Variants in PI4KA observed in about 807,000 individuals in gnomAD.
PI4KA encodes the protein PI4-kinase alpha.
PI4KA carries 122 observed loss-of-function variants against 271.4 expected under a neutral mutation model. The ratio of observed to expected loss-of-function variants is 0.45; its 90% CI spans 0.39 to 0.52. PI4KA has a LOEUF of 0.52. Ranked by LOEUF, PI4KA falls within the 20% of genes least tolerant of loss-of-function variation. PI4KA has a pLI of 0.00. For missense variants in PI4KA, 1,969 were observed against 2,769.1 expected, an observed-to-expected ratio of 0.71 and a Z score of 6.48; for synonymous variants, 1,041 against 1,078.8, an observed-to-expected ratio of 0.96 and a Z score of 0.69.
chr22:20,813,331 C>A, intron 8 of PI4KA, 27 bp downstream of exon 8: 2 of 1,588,446 alleles, frequency 1.3e-6, no homozygotes, highest in South Asian at 2.2e-5. Context: ...TATCCATGGT[C>A]TGTTCATCCA....
chr22:20,754,764 A>G (rs1454498425), intron 23 of PI4KA, among the ~76,000 whole-genome samples: 1 of 152,158 alleles, frequency 6.6e-6, no homozygotes, highest in Non-Finnish European at 1.5e-5. Context: ...CCTGGCCAAC[A>G]TGGTGAAACC....
intron 19 of PI4KA, among the ~76,000 whole-genome samples, chr22:20,777,043 GTT>G (rs362134): frequency 6.7e-6 from 1 of 148,538 alleles, no homozygotes; most frequent in African/African-American, 2.5e-5. Flanking sequence ...GTTTTTTTTT[GTT>G]TTTTTTTTGT....
chr22:20,852,660 G>A lies in PI4KA; in HGVS notation c.156+5910C>T, dbSNP rs747473089. 6.6e-5 allele frequency among the ~76,000 whole-genome samples: 10 copies of A among 152,066 alleles called. No homozygotes were observed. The South Asian group carries it at 1.2e-3, about 19-fold the overall frequency. ...TGACCCTCATTATCTCTCTCCTCTCGCTCTACGGATGGCTCTTCTTAACAT... is the reference window on the plus strand; with the variant it reads ...TGACCCTCATTATCTCTCTCCTCTCACTCTACGGATGGCTCTTCTTAACAT... On this transcript the variant is annotated intron_variant, in intron 1 of 54. Transcript: ENST00000255882.
chr22:20,779,419 A>G lies in PI4KA; in HGVS notation c.2329-13726T>C, dbSNP rs1174411908. 3 of 1,614,282 alleles carry G rather than the reference A, an allele frequency of 1.9e-6. No homozygotes were observed. In the East Asian group the frequency reaches 6.7e-5, roughly 36 times the overall value. On this transcript the variant is annotated intron_variant, in intron 19 of 54. Transcript: ENST00000255882. ...CTAGAGAAAGGAGGGGAAACTGCTC[A>G]GTCTGCAGATCCCCAGTGGGAGCAG...
chr22:20,729,871 A>T, intron 37 of PI4KA, 21 bp downstream of exon 37: 2 of 1,613,922 alleles, frequency 1.2e-6, no homozygotes. Context: ...TGATGGCCCC[A>T]GCAGCACACC....
At chr22:20,780,813 G>A (rs1044937225) in intron 19 of PI4KA, among the ~76,000 whole-genome samples, 5 of 130,262 alleles carry the variant, frequency 3.8e-5, no homozygotes, top group African/African-American at 1.5e-4. Flanking sequence ...ATGCTCCAAG[G>A]GCACCCAGTT....
intron 19 of PI4KA, chr22:20,784,131 T>A: frequency 1.2e-6 from 2 of 1,614,094 alleles, no homozygotes; most frequent in Non-Finnish European, 1.7e-6. Flanking sequence ...CTGGAATACG[T>A]GGGGGGCATC....
In PI4KA at chr22:20,726,471, T is replaced by TGAGAAGTGATGTTTCTAA; in HGVS notation, c.4995+16_4995+17insTTAGAAACATCACTTCTC. 1 of 1,546,200 alleles carries TGAGAAGTGATGTTTCTAA rather than the reference T, an allele frequency of 6.5e-7. No homozygotes were observed. The highest frequency in any genetic ancestry group is 1.3e-5 in the South Asian group (1 of 79,326). On this transcript the variant is annotated intron_variant, in intron 42 of 54. Transcript: ENST00000255882. ...ACTCTGTGAGTGAAGAGGACGGCCA[T>TGAGAAGTGATGTTTCTAA]GCAGGTGCAGGCTTACCTTGTCGTA... is the stretch of plus-strand genomic sequence containing the variant.
At position 20,761,323 on chromosome 22, in the gene PI4KA, A is replaced by T. The variant is rs761737587; in HGVS notation, c.2772T>A (p.Ala924=). The change falls in exon 23 of 55, where the codon GCT becomes GCA. Residue 924 remains alanine (A), a synonymous_variant. Coordinates refer to ENST00000255882, the MANE Select transcript of PI4KA (RefSeq NM_058004.4). ...GCTTACCAGATTTGTCTTTCTGAATAGCTTTATCCTCAAAGTAGCAGAACA... is the reference window on the plus strand; with the variant it reads ...GCTTACCAGATTTGTCTTTCTGAATTGCTTTATCCTCAAAGTAGCAGAACA... ...QVMFCYFEDK[A]IQKDKSGMMQ... is the part of the protein sequence containing the mutation. 6.2e-7 allele frequency: 1 copy of T among 1,606,594 alleles called. No individual in the cohort carries two copies. Among genetic ancestry groups the T allele is most frequent in the Non-Finnish European group, 8.5e-7 (1 of 1,173,078 alleles).
At chr22:20,729,593 G>T in intron 38 of PI4KA, 39 bp downstream of exon 38, 1 of 1,554,192 alleles carries the variant, frequency 6.4e-7, no homozygotes. Context: ...GTACAGGCAG[G>T]TGGCGGGCAG....
At chr22:20,770,633 AG>A in intron 19 of PI4KA, among the ~76,000 whole-genome samples, 2 of 123,016 alleles carry the variant, frequency 1.6e-5, no homozygotes, top group Admixed American at 8.1e-5. Context: ...CACACACACA[AG>A]CTGGACACAG....
intron 29 of PI4KA, 94 bp from the exon 30 acceptor site, chr22:20,744,814 C>T: frequency 3.1e-6 from 3 of 979,530 alleles, no homozygotes; most frequent in South Asian, 2.9e-5. Flanking sequence ...AGCAGTCACA[C>T]TCGGGTCTGG....
At position 20,805,062 on chromosome 22, in the gene PI4KA, G is replaced by A; in HGVS notation, c.1272C>T (p.Ile424=). The A allele has an allele frequency of 6.2e-7, 1 of 1,614,110 alleles. No individual in the cohort carries two copies. Among genetic ancestry groups the A allele is most frequent in the Non-Finnish European group, 8.5e-7 (1 of 1,179,952 alleles). The change falls in exon 11 of 55, where the codon ATC becomes ATT. Residue 424 remains isoleucine (I), a synonymous_variant. Transcript: ENST00000255882. ...LQKILHDADR[I]HNELSPLKLR... is the part of the protein sequence containing the mutation. ...GTTTGAGGGGGCTCAGCTCATTGTG[G>A]ATCCGGTCTGCGTCATGTAGAATCT...
chr22:20,800,039 C>A (rs1935208291), intron 14 of PI4KA, among the ~76,000 whole-genome samples: 1 of 152,178 alleles, frequency 6.6e-6, no homozygotes, highest in Non-Finnish European at 1.5e-5. Flanking sequence ...CAATTTCAAT[C>A]CCTTGTACTG....
rs1420469799 is a variant in PI4KA, at chr22:20,804,326, A to C, written c.1435T>G (p.Leu479Val). The C allele has an allele frequency of 6.2e-7, 1 of 1,613,888 alleles. No homozygotes were observed. The highest frequency in any genetic ancestry group is 1.1e-5 in the South Asian group (1 of 91,084). ...TGCAGACAGCAGATCAGCAGGGGCA[A>C]GTGAGCAATAATGACTTTGCTGGAC... is the stretch of plus-strand genomic sequence containing the variant. ...KTSSKVIIAHLPLLICCLQGL... is the reference protein window; with the variant it reads ...KTSSKVIIAHVPLLICCLQGL... Residue 479 changes from leucine (L) to valine (V), a missense_variant, in exon 12 of 55, where the codon TTG becomes GTG. Leu to Val is a conservative substitution (Grantham distance 32). This residue lies in a region of PI4KA where 228 missense variants were observed against 261.6 expected (regional missense o/e 0.87). Transcript: ENST00000255882.
At chr22:20,710,381 C>T in intron 52 of PI4KA, 1 of 536,976 alleles carries the variant, frequency 1.9e-6, no homozygotes, top group Non-Finnish European at 3.4e-6. Context: ...GGGACAAAGC[C>T]CATCTTTGGC....
intron 15 of PI4KA, among the ~76,000 whole-genome samples, 153 bp downstream of exon 15, chr22:20,799,518 C>A (rs1935173309): frequency 1.3e-5 from 2 of 152,170 alleles, no homozygotes; most frequent in Admixed American, 1.3e-4. Flanking sequence ...CCAAGGTGGG[C>A]TTCACCTTAA....
Position 20,710,721 on chromosome 22 carries a change from C to G in PI4KA, c.6061G>C (p.Val2021Leu). Residue 2021 changes from valine (V) to leucine (L), a missense_variant, in exon 52 of 55, where the codon GTC becomes CTC. Physicochemically the swap from Val to Leu is conservative, Grantham distance 32 (BLOSUM62 1). This residue lies in a region of PI4KA where 110 missense variants were observed against 349.8 expected (regional missense o/e 0.31). Coordinates refer to ENST00000255882, the MANE Select transcript of PI4KA (RefSeq NM_058004.4). ...TPFKWFMEMC[V>L]RGYLAVRPYM... ...CACCGCACAGCCAGGTAGCCTCGGA[C>G]ACACATCTCCATGAACCACTTGAAG... The G allele has an allele frequency of 6.2e-7, 1 of 1,614,052 alleles. No individual in the cohort carries two copies. The highest frequency in any genetic ancestry group is 8.5e-7 in the Non-Finnish European group (1 of 1,179,888).
chr22:20,743,517 G>A (rs112657540), intron 30 of PI4KA, among the ~76,000 whole-genome samples: 10,454 of 152,050 alleles, frequency 0.069, 348 homozygotes, highest in East Asian at 0.08. Flanking sequence ...GTGCAGTGGT[G>A]CGATCATAGT....
Sources: allele counts gnomAD v4.1 joint callset (sites outside exome capture counted in the v4.1 genomes callset), GRCh38; gene constraint gnomAD v4.1.1; regional missense constraint gnomAD v4.1.1; transcripts MANE v1.5; gene names NCBI Gene and HGNC (gene_info 2026-07-23, HGNC 2026-07-21).